The following PRELID2 variants were observed in gnomAD, a reference collection of about 807,000 sequenced individuals.
PRELID2 encodes the protein PRELI domain-containing protein 2.
In PRELID2, 25 loss-of-function variants were observed where a neutral mutation model predicts 28.4. The ratio of observed to expected loss-of-function variants is 0.88; its 90% confidence interval spans 0.64 to 1.23. The LOEUF (loss-of-function observed/expected upper bound fraction) is 1.23, where lower values mean the gene tolerates loss of function less well. Ranked by LOEUF, PRELID2 falls within the 50% of genes most tolerant of loss-of-function variation. The pLI, the probability that PRELID2 is intolerant of heterozygous loss-of-function variation, is 0.00. For synonymous variants in PRELID2, 76 were observed against 71.6 expected, an observed-to-expected ratio of 1.06 and a Z score of -0.31; for missense variants, 201 against 214.4, an observed-to-expected ratio of 0.94 and a Z score of 0.39.
intron 1 of PRELID2, chr5:145,826,262 C>T (rs1160738487): frequency 1.3e-6 from 1 of 787,904 alleles, no homozygotes; most frequent in Non-Finnish European, 1.5e-6. Context: ...AGCCCGCAGA[C>T]AAGCAGGTTC....
chr5:145,512,344 C>T (rs567408842), intron 1 of PRELID2, among the ~76,000 whole-genome samples: 23 of 152,178 alleles, frequency 1.5e-4, no homozygotes, highest in South Asian at 8.3e-4. Context: ...TTGGGAAGTG[C>T]GCGGTTTTCC....
the PRELID2 span, among the ~76,000 whole-genome samples, chr5:145,392,295 C>A: frequency 0.21 from 30,887 of 149,858 alleles, 3,494 homozygotes; most frequent in South Asian, 0.34. Flanking sequence ...AACATGTCTT[C>A]TTCACAAGGC....
chr5:145,604,819 G>C (rs1580997139), intron 1 of PRELID2, among the ~76,000 whole-genome samples: 1 of 129,520 alleles, frequency 7.7e-6, no homozygotes, highest in Non-Finnish European at 1.6e-5. Context: ...ATCTCATTGT[G>C]GTTTTGATTT....
intron 4 of PRELID2, among the ~76,000 whole-genome samples, chr5:145,800,982 G>C (rs994649202): frequency 2.0e-5 from 3 of 152,122 alleles, no homozygotes; most frequent in African/African-American, 7.2e-5. Flanking sequence ...TGGATGGATG[G>C]ATGGACAGAC....
At chr5:145,734,300 C>T (rs1318397571) in intron 1 of PRELID2, among the ~76,000 whole-genome samples, 1 of 152,018 alleles carries the variant, frequency 6.6e-6, no homozygotes, top group African/African-American at 2.4e-5. Flanking sequence ...GATTTTAGTC[C>T]AGTGAAGCCC....
At chr5:145,728,499 G>C in intron 1 of PRELID2, 1 of 690,182 alleles carries the variant, frequency 1.4e-6, no homozygotes, top group East Asian at 2.5e-5. Flanking sequence ...CCCAAAGCAG[G>C]AAAACCAGAG....
intron 1 of PRELID2, among the ~76,000 whole-genome samples, chr5:145,580,617 G>A (rs1232463131): frequency 6.6e-6 from 1 of 151,882 alleles, no homozygotes; most frequent in African/African-American, 2.4e-5. Context: ...GTAACCAAGG[G>A]GCAGAGTTGA....
At chr5:145,508,730 T>A (rs141601406) in intron 1 of PRELID2, among the ~76,000 whole-genome samples, 181 of 152,252 alleles carry the variant, frequency 1.2e-3, no homozygotes, top group African/African-American at 4.1e-3. Context: ...AGAGAATTGT[T>A]TACATCTCAA....
At chr5:145,715,724 G>A (rs992623280) in intron 1 of PRELID2, among the ~76,000 whole-genome samples, 1 of 152,150 alleles carries the variant, frequency 6.6e-6, no homozygotes, top group Non-Finnish European at 1.5e-5. Flanking sequence ...GCGTGTGCTA[G>A]TCATGCTCCA....
chr5:145,234,523 T>C, the PRELID2 span, among the ~76,000 whole-genome samples: 2 of 152,108 alleles, frequency 1.3e-5, no homozygotes, highest in Non-Finnish European at 2.9e-5. Flanking sequence ...TAAAAAATGT[T>C]GCATTCTAAA....
chr5:145,783,153 C>T (rs758283275), intron 5 of PRELID2, among the ~76,000 whole-genome samples: 3 of 152,180 alleles, frequency 2.0e-5, no homozygotes, highest in Non-Finnish European at 2.9e-5. Context: ...TCCGAGATTT[C>T]ATCTAGTTTC....
At chr5:145,795,588 A>C (rs1752686972) in intron 5 of PRELID2, 2 of 152,154 alleles carry the variant, frequency 1.3e-5, no homozygotes, top group Non-Finnish European at 2.9e-5. Context: ...CCAGCGGTTA[A>C]TTCTATCCCA....
chr5:145,612,510 C>T (rs1248928749), intron 1 of PRELID2, among the ~76,000 whole-genome samples: 1 of 152,090 alleles, frequency 6.6e-6, no homozygotes, highest in Non-Finnish European at 1.5e-5. Flanking sequence ...TGTTTGGTTA[C>T]ATGAGCAAGT....
intron 1 of PRELID2, among the ~76,000 whole-genome samples, chr5:145,481,622 TCAAAAAA>T (rs1752160121): frequency 1.8e-3 from 4 of 2,256 alleles, no homozygotes; most frequent in South Asian, 0.015. Context: ...AGCAAGGAAA[TCAAAAAA>T]AAAAAAAAAA....
At chr5:145,649,831 C>A (rs554523629) in intron 1 of PRELID2, among the ~76,000 whole-genome samples, 1 of 152,160 alleles carries the variant, frequency 6.6e-6, no homozygotes, top group African/African-American at 2.4e-5. Context: ...TGTTTTAACA[C>A]TAATATCTGG....
the PRELID2 span, among the ~76,000 whole-genome samples, chr5:145,314,806 T>C: frequency 6.6e-6 from 1 of 151,956 alleles, no homozygotes; most frequent in African/African-American, 2.4e-5. Flanking sequence ...ACATTTCTTT[T>C]TATTCATATC....
intron 1 of PRELID2, among the ~76,000 whole-genome samples, chr5:145,666,001 A>G (rs1301269424): frequency 6.7e-6 from 1 of 149,912 alleles, no homozygotes; most frequent in African/African-American, 2.5e-5. Flanking sequence ...AAAAAAAAAA[A>G]AGAAAGAAAG....
the PRELID2 span, chr5:145,337,782 G>A: frequency 1.5e-5 from 2 of 136,196 alleles, no homozygotes; most frequent in Non-Finnish European, 3.1e-5. Context: ...CATATAAATG[G>A]CAAGGTCTTG....
the PRELID2 span, among the ~76,000 whole-genome samples, chr5:145,367,804 A>G: frequency 0.013 from 1,985 of 151,928 alleles, 37 homozygotes; most frequent in African/African-American, 0.045. Context: ...CTTTTGAATA[A>G]TATTTCATTG....
Sources: allele counts gnomAD v4.1 joint callset (sites outside exome capture counted in the v4.1 genomes callset), GRCh38; gene constraint gnomAD v4.1.1; transcripts MANE v1.5; gene names NCBI Gene and HGNC (gene_info 2026-07-23, HGNC 2026-07-21).